The following LRBA variants were observed in gnomAD, a reference collection of about 807,000 sequenced individuals.
LRBA encodes lipopolysaccharide-responsive and beige-like anchor protein.
A neutral mutation model predicts 330.0 loss-of-function variants in LRBA; 176 were observed. That is an observed-to-expected ratio of 0.53 (90% CI 0.47 to 0.60). The LOEUF (loss-of-function observed/expected upper bound fraction) is 0.60. Ranked by LOEUF, LRBA falls within the 20% of genes least tolerant of loss-of-function variation. The pLI is 0.00. For synonymous variants in LRBA, 1,230 were observed against 1,193.0 expected (o/e 1.03, Z -0.64); for missense variants, 3,259 against 3,444.8 (o/e 0.95, Z 1.35).
chr4:151,005,557 T>C (rs578065944), intron 2 of LRBA, among the ~76,000 whole-genome samples: 5 of 142,256 alleles, frequency 3.5e-5, no homozygotes, highest in Non-Finnish European at 6.0e-5. Context: ...ATAATGACAC[T>C]GTTCTTTTTT....
chr4:150,596,747 T>A (rs1773528457), intron 38 of LRBA, among the ~76,000 whole-genome samples: 1 of 151,686 alleles, frequency 6.6e-6, no homozygotes, highest in African/African-American at 2.4e-5. Context: ...CCATAAAATA[T>A]TTAATACACC....
At chr4:150,496,412 T>C (rs1187602852) in intron 40 of LRBA, among the ~76,000 whole-genome samples, 1 of 152,084 alleles carries the variant, frequency 6.6e-6, no homozygotes, top group Non-Finnish European at 1.5e-5. Context: ...ATTTATTGAA[T>C]ACTAGGGATT....
chr4:150,931,154 A>G (rs1047706409), intron 2 of LRBA, among the ~76,000 whole-genome samples: 2 of 152,148 alleles, frequency 1.3e-5, no homozygotes, highest in Admixed American at 6.5e-5. Context: ...AATTTCGAAC[A>G]TTCAAAAAAA....
chr4:150,966,674 G>T (rs149039375), intron 2 of LRBA, among the ~76,000 whole-genome samples: 1 of 152,236 alleles, frequency 6.6e-6, no homozygotes, highest in East Asian at 1.9e-4. Context: ...AAATCAGGAT[G>T]CTTTCTAGAT....
At position 150,536,246 on chromosome 4, in the gene LRBA, A is replaced by G. The variant is rs76650359; in HGVS notation, c.6331-45211T>C. Among the ~76,000 whole-genome samples, 188 of 152,314 alleles carry G rather than the reference A, an allele frequency of 1.2e-3. 4 individuals carry two copies. The highest frequency in any genetic ancestry group is 4.4e-3 in the African/African-American group (184 of 41,580). ...TTTGGGCAAAAAAGTTACAAGGGAT[A>G]TTTTTGGAGAAAGAGGACACATTTA... On this transcript the variant is annotated intron_variant, in intron 40 of 56. Coordinates refer to ENST00000651943, the MANE Select transcript of LRBA (RefSeq NM_001364905.1).
At chr4:150,597,543 T>C (rs1773643879) in intron 38 of LRBA, among the ~76,000 whole-genome samples, 2 of 151,918 alleles carry the variant, frequency 1.3e-5, no homozygotes, top group Non-Finnish European at 1.5e-5. Flanking sequence ...CATATTGCCA[T>C]GTATAGATCT....
chr4:150,896,254 A>G (rs1730069485), intron 16 of LRBA, 140 bp downstream of exon 16: 2 of 503,904 alleles, frequency 4.0e-6, no homozygotes, highest in Non-Finnish European at 7.0e-6. Context: ...AAAGATTGCT[A>G]GGGCTTAGTT....
intron 40 of LRBA, 78 bp from the exon 41 acceptor site, chr4:150,491,113 A>G (rs1758890194): frequency 1.7e-6 from 1 of 602,344 alleles, no homozygotes; most frequent in Non-Finnish European, 2.8e-6. Flanking sequence ...ATTAAAATAG[A>G]AAAGACCCTA....
chr4:150,833,024 C>A (rs1048815645), intron 28 of LRBA, among the ~76,000 whole-genome samples: 13 of 152,082 alleles, frequency 8.5e-5, no homozygotes, highest in African/African-American at 2.9e-4. Context: ...AATCCTCCTG[C>A]CTTAGCCTCC....
intron 13 of LRBA, among the ~76,000 whole-genome samples, chr4:150,901,221 C>G (rs1464965654): frequency 6.6e-6 from 1 of 152,196 alleles, no homozygotes; most frequent in East Asian, 1.9e-4. Context: ...ATCGCTTGAA[C>G]CCAGGAGGTA....
intron 36 of LRBA, among the ~76,000 whole-genome samples, chr4:150,706,997 C>A (rs1340470397): frequency 6.6e-6 from 1 of 151,626 alleles, no homozygotes; most frequent in Non-Finnish European, 1.5e-5. Context: ...TATAAAAATT[C>A]TTCAGAAAAT....
chr4:151,005,437 C>CAAAAAAA (rs70941465), intron 2 of LRBA, among the ~76,000 whole-genome samples: 1 of 60,576 alleles, frequency 1.7e-5, no homozygotes, highest in Admixed American at 3.0e-4. Flanking sequence ...GACTCCAACT[C>CAAAAAAA]AAAAAAAAAA....
intron 34 of LRBA, among the ~76,000 whole-genome samples, chr4:150,775,758 A>G (rs1323290736): frequency 6.7e-6 from 1 of 148,678 alleles, no homozygotes; most frequent in Non-Finnish European, 1.5e-5. Context: ...GCACAGAAAT[A>G]TAAGTAAAGG....
At chr4:150,957,785 A>G (rs566257299) in intron 2 of LRBA, among the ~76,000 whole-genome samples, 2 of 149,212 alleles carry the variant, frequency 1.3e-5, no homozygotes, top group South Asian at 4.2e-4. Context: ...TGGCCAAAAC[A>G]AAGGGGCTAC....
intron 55 of LRBA, among the ~76,000 whole-genome samples, chr4:150,279,828 G>A (rs148306737): frequency 3.3e-3 from 509 of 152,298 alleles, no homozygotes; most frequent in African/African-American, 0.011. Flanking sequence ...CTCTAGGGGT[G>A]TCTGGGAACT....
intron 40 of LRBA, among the ~76,000 whole-genome samples, chr4:150,556,780 ATGT>A (rs1372678300): frequency 2.6e-5 from 4 of 152,194 alleles, no homozygotes; most frequent in Non-Finnish European, 4.4e-5. Flanking sequence ...AAATTTACAA[ATGT>A]TGTGGTGTAT....
At chr4:150,666,208 T>C (rs1781541044) in intron 37 of LRBA, among the ~76,000 whole-genome samples, 1 of 152,084 alleles carries the variant, frequency 6.6e-6, no homozygotes, top group Non-Finnish European at 1.5e-5. Context: ...CTGAAAATAT[T>C]CATATAAGAA....
chr4:150,315,394 T>C (rs1731590151), intron 51 of LRBA, 167 bp downstream of exon 51: 1 of 674,492 alleles, frequency 1.5e-6, no homozygotes, highest in Non-Finnish European at 2.6e-6. Flanking sequence ...GGGGAGTTGA[T>C]GAAATACCAG....
intron 2 of LRBA, among the ~76,000 whole-genome samples, chr4:150,943,335 G>A (rs1735880845): frequency 6.6e-6 from 1 of 152,124 alleles, no homozygotes; most frequent in African/African-American, 2.4e-5. Flanking sequence ...TGGCCAGGCT[G>A]GACTTGAACT....
Sources: allele counts gnomAD v4.1 joint callset (sites outside exome capture counted in the v4.1 genomes callset), GRCh38; gene constraint gnomAD v4.1.1; transcripts MANE v1.5; gene names NCBI Gene and HGNC (gene_info 2026-07-23, HGNC 2026-07-21).